The following MGA variants were observed in gnomAD, a reference collection of about 807,000 sequenced individuals.
The protein encoded by MGA is MAX dimerization protein MGA.
A neutral mutation model predicts 261.1 loss-of-function variants in MGA; 40 were observed. The ratio of observed to expected loss-of-function variants is 0.15; its 90% CI spans 0.12 to 0.20. The LOEUF is 0.20. MGA is among the 10% of genes least tolerant of loss of function. MGA has a pLI of 1.00. For missense variants in MGA, 3,397 were observed against 3,630.5 expected, an observed-to-expected ratio of 0.94 and a Z score of 1.65; for synonymous variants, 1,302 against 1,290.6, an observed-to-expected ratio of 1.01 and a Z score of -0.19.
At chr15:41,721,767 A>G (rs765744951) in intron 9 of MGA, among the ~76,000 whole-genome samples, 1 of 152,214 alleles carries the variant, frequency 6.6e-6, no homozygotes, top group Non-Finnish European at 1.5e-5. Flanking sequence ...GGGGAAATAA[A>G]TAGGTGTAAC....
rs770595040 is a variant in MGA, at chr15:41,750,467, A to G, written c.6860A>G (p.Lys2287Arg). 2 of 1,614,000 alleles carry G rather than the reference A, an allele frequency of 1.2e-6. No individual in the cohort carries two copies. Among genetic ancestry groups the G allele is most frequent in the Admixed American group, 1.7e-5 (1 of 60,026 alleles). Residue 2287 changes from lysine to arginine, a missense_variant, in exon 17 of 24, where the codon AAG (lysine) becomes AGG (arginine). Around this residue, in one of 9 missense-constraint regions of MGA, gnomAD observed 1,410 missense variants for 1,386.4 expected, o/e 1.02. Transcript: ENST00000219905. ...GAACAGATACAACCAAAGCAAGAGA[A>G]GAAGGGTGGGAGAAGCAGTGCTGAC...
Position 41,766,010 on chromosome 15 carries a change from A to G in MGA, c.7928A>G (p.Asp2643Gly), listed in dbSNP as rs746301923. 2.5e-6 allele frequency: 4 copies of G among 1,596,176 alleles called. No individual in the cohort carries two copies. In the South Asian group the frequency reaches 4.5e-5, roughly 18 times the overall value. The change falls in exon 24 of 24, where the codon GAC (aspartate) becomes GGC (glycine). Residue 2643 changes from aspartate (D) to glycine (G), a missense_variant. Physicochemically the swap from Asp to Gly is moderately conservative, Grantham distance 94. Around this residue, in one of 9 missense-constraint regions of MGA, gnomAD observed 647 missense variants for 642.4 expected, o/e 1.01. Coordinates refer to ENST00000219905, the MANE Select transcript of MGA (RefSeq NM_001164273.2). ...TTTAATTTTTGTTTTTCAGAAAATGACGACTTATTTATGATGCCACGAATT... is the reference window on the plus strand; with the variant it reads ...TTTAATTTTTGTTTTTCAGAAAATGGCGACTTATTTATGATGCCACGAATT...
intron 1 of MGA, among the ~76,000 whole-genome samples, 194 bp downstream of exon 1, chr15:41,660,719 A>T (rs1012644260): frequency 6.6e-6 from 1 of 152,146 alleles, no homozygotes; most frequent in Non-Finnish European, 1.5e-5. Context: ...GAGGCTGCGC[A>T]TGTCACCTCG....
rs564621107 is a variant in MGA at position 41,633,218 on chromosome 15, A to G, written c.-68+11920A>G. Among the ~76,000 whole-genome samples, 5 of 152,084 alleles carry G rather than the reference A, an allele frequency of 3.3e-5. No individual in the cohort carries two copies. The South Asian group carries it at 6.2e-4, about 19-fold the overall frequency. ...CCCTGCCTTGGCCTCCCAAAGTGCT[A>G]GGATTACAGGTGTGAGCCACCACGC... On this transcript the variant is annotated intron_variant, in intron 1 of 8. Transcript: ENST00000566718.
In MGA at chr15:41,641,992, C is replaced by A. The variant is rs543122370; in HGVS notation, c.-68+20694C>A. On this transcript the variant is annotated intron_variant, in intron 1 of 8. Transcript: ENST00000566718. ...TGTGCTTTTTGTAGAGACAGAGTCC[C>A]ACTTTGTTGCCCAGACTGGTCTCCC... 2.6e-5 allele frequency among the ~76,000 whole-genome samples: 4 copies of A among 152,036 alleles called. No homozygotes were observed. In the South Asian group the frequency reaches 8.3e-4, roughly 32 times the overall value.
intron 9 of MGA, among the ~76,000 whole-genome samples, chr15:41,713,985 T>C (rs1051942343): frequency 6.6e-6 from 1 of 152,170 alleles, no homozygotes; most frequent in Non-Finnish European, 1.5e-5. Flanking sequence ...TTGGGTTTTT[T>C]TTTGGTGGGA....
chr15:41,747,330 C>G (rs1293810914), intron 15 of MGA, among the ~76,000 whole-genome samples: 1 of 151,962 alleles, frequency 6.6e-6, no homozygotes, highest in African/African-American at 2.4e-5. Context: ...ATTTTTAGTT[C>G]TTTATCTTCC....
At chr15:41,633,528 G>C (rs1317497386) in intron 1 of MGA, among the ~76,000 whole-genome samples, 3 of 151,994 alleles carry the variant, frequency 2.0e-5, no homozygotes, top group African/African-American at 7.2e-5. Flanking sequence ...AAATAAAGCA[G>C]GGAAGAGAGA....
At chr15:41,646,844 T>G (rs189827844) in intron 1 of MGA, among the ~76,000 whole-genome samples, 5 of 152,318 alleles carry the variant, frequency 3.3e-5, no homozygotes, top group Admixed American at 3.3e-4. Context: ...GAAAATTATT[T>G]CTGTAACCTG....
At chr15:41,725,856 AT>A (rs762612117) in intron 9 of MGA, among the ~76,000 whole-genome samples, 1,927 of 18,872 alleles carry the variant, frequency 0.1, 681 homozygotes, top group Middle Eastern at 0.21. Context: ...AAAAAAAAAA[AT>A]AAATAAATAA....
At chr15:41,643,385 C>T (rs1240121646) in intron 1 of MGA, among the ~76,000 whole-genome samples, 1 of 151,730 alleles carries the variant, frequency 6.6e-6, no homozygotes, top group Non-Finnish European at 1.5e-5. Context: ...GGACTATAGG[C>T]ACGTGCCACC....
intron 13 of MGA, among the ~76,000 whole-genome samples, chr15:41,737,146 G>A (rs183486979): frequency 1.7e-4 from 26 of 152,136 alleles, no homozygotes; most frequent in African/African-American, 6.3e-4. Flanking sequence ...TAGAAACTTG[G>A]GGAAAATTTT....
At position 41,755,582 on chromosome 15, in the gene MGA, C is replaced by T. The variant is rs540507626; in HGVS notation, c.7139+1015C>T. Among the ~76,000 whole-genome samples, 6 of 152,220 alleles carry T rather than the reference C, an allele frequency of 3.9e-5. No individual in the cohort carries two copies. In the East Asian group the frequency reaches 1.2e-3, roughly 29 times the overall value. On this transcript the variant is annotated intron_variant, in intron 18 of 23. Coordinates refer to ENST00000219905, the MANE Select transcript of MGA (RefSeq NM_001164273.2). ...ACATTCTCTGACAAGCTGTGTAAGACTTTTCTTACAAAATTGTATTGAAAG... is the reference window on the plus strand; with the variant it reads ...ACATTCTCTGACAAGCTGTGTAAGATTTTTCTTACAAAATTGTATTGAAAG...
At position 41,743,170 on chromosome 15, in the gene MGA, C is replaced by T. The variant is rs1436121369; in HGVS notation, c.5210C>T (p.Pro1737Leu). ...GGGAGTCCACCAGTGAGCCAGAGAC[C>T]AGGTAAGGCCTAGATGTTACTAGCT... Residue 1737 changes from proline to leucine, a missense_variant and splice_region_variant, in exon 15 of 24, where the codon CCA becomes CTA. Coordinates refer to ENST00000219905, the MANE Select transcript of MGA (RefSeq NM_001164273.2). 1.2e-6 allele frequency: 2 copies of T among 1,605,558 alleles called. No homozygotes were observed.
At chr15:41,754,785 T>C (rs1324105493) in intron 18 of MGA, among the ~76,000 whole-genome samples, 1 of 152,178 alleles carries the variant, frequency 6.6e-6, no homozygotes, top group African/African-American at 2.4e-5. Context: ...AACATGCTTT[T>C]GGAGCCCGAT....
Position 41,743,083 on chromosome 15 carries a change from C to T in MGA, c.5123C>T (p.Ser1708Phe), listed in dbSNP as rs751102485. The change falls in exon 15 of 24, where the codon TCC becomes TTC. Residue 1708 changes from serine to phenylalanine, a missense_variant. By Grantham distance (155) the Ser-to-Phe change is radical. Transcript: ENST00000219905. ...GTGGTGACTGCAGCTGCATCTTCCT[C>T]CATGGTGACCACACCAACTTCATCT... The T allele has an allele frequency of 9.9e-6, 16 of 1,613,904 alleles. No individual in the cohort carries two copies. Among genetic ancestry groups the T allele is most frequent in the Non-Finnish European group, 1.3e-5 (15 of 1,179,890 alleles).
chr15:41,624,535 A>G lies in MGA; in HGVS notation c.-68+3237A>G, dbSNP rs144093193. On this transcript the variant is annotated intron_variant, in intron 1 of 8. Coordinates refer to the MGA transcript ENST00000566718. ...TTTTTAGTAGAGACGGGGTTTCACT[A>G]TATTGGCCAGGCTGGTCTCGAGCTG... 6.4e-4 allele frequency among the ~76,000 whole-genome samples: 98 copies of G among 152,122 alleles called. 1 individual carries two copies. In the East Asian group the frequency reaches 0.016, roughly 25 times the overall value.
intron 1 of MGA, among the ~76,000 whole-genome samples, chr15:41,621,760 C>G (rs1415222012): frequency 6.6e-6 from 1 of 152,054 alleles, no homozygotes; most frequent in Non-Finnish European, 1.5e-5. Context: ...CAGCCAATCT[C>G]AGGCCGAGGC....
chr15:41,728,150 T>C (rs2061341590), intron 10 of MGA, among the ~76,000 whole-genome samples: 1 of 151,640 alleles, frequency 6.6e-6, no homozygotes. Context: ...GCCAACATGG[T>C]GAAACCCCGC....
Sources: gnomAD v4.1 joint callset for allele counts (sites outside exome capture counted in the v4.1 genomes callset) on GRCh38, gnomAD v4.1.1 for gene constraint, gnomAD v4.1.1 regional missense constraint, MANE v1.5 for transcripts, NCBI Gene and HGNC (gene_info 2026-07-23, HGNC 2026-07-21) for gene names.